The following TDRD9 variants were observed in gnomAD, a reference collection of about 807,000 sequenced individuals.
The protein encoded by TDRD9 is ATP-dependent RNA helicase TDRD9.
A neutral mutation model predicts 172.6 loss-of-function variants in TDRD9; 124 were observed. The observed-to-expected ratio is 0.72, with a 90% CI of 0.62 to 0.83. TDRD9 has a LOEUF of 0.83. Among genes scored for constraint, TDRD9 ranks in the 40% least tolerant of loss-of-function variants. TDRD9 has a pLI of 0.00. For synonymous variants in TDRD9, 619 were observed against 617.1 expected, an observed-to-expected ratio of 1.00 and a Z score of -0.05; for missense variants, 1,479 against 1,714.1, an observed-to-expected ratio of 0.86 and a Z score of 2.42.
At position 103,975,509 on chromosome 14, in the gene TDRD9, G is replaced by A. The variant is rs202227961; in HGVS notation, c.967G>A (p.Glu323Lys). ...AGTGGAAGGCAAGCCCCATTCAGTTGAAGAGTATTATCTTAATGATTTGGA... is the reference window on the plus strand; with the variant it reads ...AGTGGAAGGCAAGCCCCATTCAGTTAAAGAGTATTATCTTAATGATTTGGA... ...FEVEGKPHSV[E>K]EYYLNDLEHI... is the part of the protein sequence containing the mutation. Residue 323 changes from glutamate to lysine, a missense_variant, in exon 7 of 36, where the codon GAA becomes AAA. By Grantham distance (56) the Glu-to-Lys change is moderately conservative (BLOSUM62 1). Transcript: ENST00000409874. The A allele has an allele frequency of 3.1e-4, 503 of 1,612,900 alleles. No individual in the cohort carries two copies. Among genetic ancestry groups the A allele is most frequent in the Non-Finnish European group, 4.2e-4 (495 of 1,179,344 alleles).
intron 28 of TDRD9, among the ~76,000 whole-genome samples, chr14:104,027,253 T>A (rs1454857608): frequency 6.6e-6 from 1 of 152,202 alleles, no homozygotes; most frequent in Non-Finnish European, 1.5e-5. Context: ...TCTCCCTGTG[T>A]TGCCCAGGTT....
chr14:103,995,936 A>G, intron 12 of TDRD9, 129 bp downstream of exon 12: 1 of 824,028 alleles, frequency 1.2e-6, no homozygotes, highest in Non-Finnish European at 1.8e-6. Context: ...AGAATTGAGA[A>G]AAGTAGGTTT....
chr14:103,979,436 C>T (rs1566755673), intron 7 of TDRD9, among the ~76,000 whole-genome samples: 1 of 152,344 alleles, frequency 6.6e-6, no homozygotes, highest in East Asian at 1.9e-4. Context: ...GCACTGGCCT[C>T]TGCTCAGGGA....
At chr14:104,006,908 C>T (rs2034458806) in intron 18 of TDRD9, 63 bp downstream of exon 18, 5 of 1,384,676 alleles carry the variant, frequency 3.6e-6, no homozygotes, top group Non-Finnish European at 5.1e-6. Context: ...CATTTTCATA[C>T]CACAAACATA....
At chr14:104,003,225 A>AT (rs1184414341) in intron 13 of TDRD9, among the ~76,000 whole-genome samples, 6 of 151,950 alleles carry the variant, frequency 3.9e-5, no homozygotes, top group South Asian at 2.1e-4. Flanking sequence ...ACTTTAAGTT[A>AT]TTTTTTTATA....
chr14:104,022,757 TAAATAAA>T (rs1169974384), intron 24 of TDRD9, among the ~76,000 whole-genome samples: 1 of 151,222 alleles, frequency 6.6e-6, no homozygotes, highest in East Asian at 1.9e-4. Context: ...AATAAATAAA[TAAATAAA>T]AAAGCACTGG....
chr14:104,040,427 G>A (rs1037369091), intron 33 of TDRD9, 93 bp downstream of exon 33: 8 of 1,299,202 alleles, frequency 6.2e-6, no homozygotes, highest in African/African-American at 1.5e-5. Flanking sequence ...TGGAGCTCGC[G>A]GTGCAGACAC....
intron 34 of TDRD9, among the ~76,000 whole-genome samples, chr14:104,043,021 T>A (rs530427356): frequency 6.6e-4 from 100 of 151,986 alleles, no homozygotes; most frequent in African/African-American, 2.2e-3. Flanking sequence ...AAAATATTTT[T>A]AATATTTATT....
chr14:104,021,357 A>AGTC (rs2034949493), intron 23 of TDRD9, among the ~76,000 whole-genome samples: 1 of 152,116 alleles, frequency 6.6e-6, no homozygotes, highest in Non-Finnish European at 1.5e-5. Context: ...ATCACTTGGC[A>AGTC]ATCAATTTAT....
At position 104,052,519 on chromosome 14, in the gene TDRD9, T is replaced by G. The variant is rs2035962521; in HGVS notation, c.*437T>G. On this transcript the variant is annotated 3_prime_UTR_variant, in exon 36 of 36. Coordinates refer to ENST00000409874, the MANE Select transcript of TDRD9 (RefSeq NM_153046.3). ...AAAAAACAAAAAAACCATGTAGTAT[T>G]TTCTGATTTTTTTTTCCATGAGGGA... is the stretch of plus-strand genomic sequence containing the variant. 1 of 152,818 alleles carries G rather than the reference T, an allele frequency of 6.5e-6. No individual in the cohort carries two copies. The allele number at this position is 152,818 out of a possible 1,614,324, so 9.5% of individuals were successfully genotyped here. A position where few individuals can be genotyped will look rare whatever the true frequency, so the allele number is the denominator to read the frequency against.
At chr14:103,956,266 C>T (rs1001598522) in intron 2 of TDRD9, among the ~76,000 whole-genome samples, 20 of 149,174 alleles carry the variant, frequency 1.3e-4, no homozygotes, top group African/African-American at 4.5e-4. Flanking sequence ...GGTAAAACCC[C>T]GTCTCTACTA....
In TDRD9 at chr14:104,006,803, C is replaced by T. The variant is rs563924046; in HGVS notation, c.1965C>T (p.Gly655=). The change falls in exon 18 of 36, where the codon GGC becomes GGT. Residue 655 remains glycine, a synonymous_variant. Transcript: ENST00000409874. ...DGYRNKVNFS[G]SSKSDCIALV... ...ATAGGAACAAAGTGAATTTCTCTGG[C>T]AGTAGCAAGAGTGACTGTATTGCAC... 1.9e-6 allele frequency: 3 copies of T among 1,613,364 alleles called. No homozygotes were observed. The highest frequency in any genetic ancestry group is 1.7e-6 in the Non-Finnish European group (2 of 1,179,640).
chr14:103,995,073 T>C lies in TDRD9; in HGVS notation c.1320+470T>C, dbSNP rs192785120. ...TGTTGTTTAGTTTTGTGTTTTATTT[T>C]GTAAATCAGTTTGCTAAAAAGCTAA... On this transcript the variant is annotated intron_variant, in intron 11 of 35. Transcript: ENST00000409874. 2.4e-4 allele frequency among the ~76,000 whole-genome samples: 37 copies of C among 152,362 alleles called. 1 individual carries two copies. In the East Asian group the frequency reaches 6.9e-3, roughly 29 times the overall value.
chr14:104,029,766 A>C (rs552723638), intron 28 of TDRD9, among the ~76,000 whole-genome samples: 1 of 152,324 alleles, frequency 6.6e-6, no homozygotes. Flanking sequence ...CTTAGAGGAA[A>C]AGATGGCAGT....
rs369752178 is a variant in TDRD9, at chr14:104,007,145, A to G, written c.2008-15A>G. 10 of 1,612,006 alleles carry G rather than the reference A, an allele frequency of 6.2e-6. No homozygotes were observed. In the African/African-American group the frequency reaches 1.3e-4, roughly 22 times the overall value. On this transcript the variant is annotated splice_polypyrimidine_tract_variant and intron_variant, in intron 18 of 35. Coordinates refer to ENST00000409874, the MANE Select transcript of TDRD9 (RefSeq NM_153046.3). Reference sequence around the variant, plus strand: ...CCAACACATTATTTTGAAAGTTTGGATCCTTTATTTTCAGACATGGAAGGC... The same window carrying G: ...CCAACACATTATTTTGAAAGTTTGGGTCCTTTATTTTCAGACATGGAAGGC...
At chr14:103,992,646 G>A (rs939819236) in intron 9 of TDRD9, among the ~76,000 whole-genome samples, 5 of 152,190 alleles carry the variant, frequency 3.3e-5, no homozygotes, top group South Asian at 2.1e-4. Context: ...TAACACGGAC[G>A]GGCGTGGGGG....
chr14:104,046,187 C>T (rs759472196), intron 34 of TDRD9, among the ~76,000 whole-genome samples: 23 of 152,278 alleles, frequency 1.5e-4, no homozygotes, highest in Non-Finnish European at 2.8e-4. Flanking sequence ...GATCTCTTGA[C>T]GTCGTGATCT....
intron 8 of TDRD9, among the ~76,000 whole-genome samples, chr14:103,986,564 A>G (rs1239005364): frequency 2.0e-5 from 3 of 152,262 alleles, no homozygotes; most frequent in East Asian, 1.9e-4. Flanking sequence ...GCTAGGATTT[A>G]TAGCCTGAAA....
Position 103,948,731 on chromosome 14 carries a change from C to T in TDRD9, c.216-6933C>T, listed in dbSNP as rs117376704. On this transcript the variant is annotated intron_variant, in intron 1 of 35. Transcript: ENST00000409874. The stretch of plus-strand genomic sequence containing the variant: ...CAAAAGGACAGATACTTTAGCCAGG[C>T]ACTATGGAGTGTGCCTGTAGTTCCT... 7.2e-5 allele frequency among the ~76,000 whole-genome samples: 11 copies of T among 152,120 alleles called. No homozygotes were observed. In the East Asian group the frequency reaches 2.1e-3, roughly 29 times the overall value.
Sources: gnomAD v4.1 joint callset for allele counts (sites outside exome capture counted in the v4.1 genomes callset) on GRCh38, gnomAD v4.1.1 for gene constraint, MANE v1.5 for transcripts, NCBI Gene and HGNC (gene_info 2026-07-23, HGNC 2026-07-21) for gene names.